Variants in CSGALNACT1 observed in about 807,000 individuals in gnomAD.
The protein encoded by CSGALNACT1 is beta4GalNAcT-1.
A neutral mutation model predicts 51.0 loss-of-function variants in CSGALNACT1; 52 were observed. That is an observed-to-expected ratio of 1.02 (90% CI 0.82 to 1.29). CSGALNACT1 has a LOEUF of 1.29. Ranked by LOEUF, CSGALNACT1 falls within the 50% of genes most tolerant of loss-of-function variation. The pLI, the probability that CSGALNACT1 is intolerant of heterozygous loss-of-function variation, is 0.00. For synonymous variants in CSGALNACT1, 341 were observed against 254.4 expected (o/e 1.34, Z -3.24); for missense variants, 935 against 679.2 (o/e 1.38, Z -4.19).
intron 5 of CSGALNACT1, among the ~76,000 whole-genome samples, chr8:19,450,177 TGAGGAA>T (rs1221623743): frequency 1.2e-4 from 2 of 16,136 alleles, no homozygotes; most frequent in Admixed American, 1.6e-3. Context: ...AGGGGGAGAG[TGAGGAA>T]GAGGGAGAGG....
At chr8:19,445,278 G>T (rs894520913) in intron 5 of CSGALNACT1, among the ~76,000 whole-genome samples, 4 of 152,214 alleles carry the variant, frequency 2.6e-5, no homozygotes, top group African/African-American at 9.7e-5. Flanking sequence ...AGGGCCAAGT[G>T]CCAGAAAAAT....
At chr8:19,659,815 C>T (rs2058610353) in intron 1 of CSGALNACT1, among the ~76,000 whole-genome samples, 1 of 152,184 alleles carries the variant, frequency 6.6e-6, no homozygotes, top group African/African-American at 2.4e-5. Context: ...AAGCACATAA[C>T]CCTCCAGCAG....
chr8:19,414,866 T>C (rs1357008213), intron 8 of CSGALNACT1, among the ~76,000 whole-genome samples: 1 of 152,180 alleles, frequency 6.6e-6, no homozygotes, highest in Non-Finnish European at 1.5e-5. Flanking sequence ...AATATATAGG[T>C]ACCATCTCTT....
At chr8:19,588,399 ATTAT>A (rs2047112150) in intron 3 of CSGALNACT1, among the ~76,000 whole-genome samples, 1 of 152,198 alleles carries the variant, frequency 6.6e-6, no homozygotes, top group Admixed American at 6.5e-5. Flanking sequence ...TCTGTAGAGT[ATTAT>A]TTGATTCCAA....
In CSGALNACT1 at chr8:19,666,809, A is replaced by AAGAAAGAAAGAAAGAG. The variant is rs1564383214; in HGVS notation, c.-544+15663_-544+15664insCTCTTTCTTTCTTTCT. On this transcript the variant is annotated intron_variant, in intron 1 of 9. Coordinates refer to the CSGALNACT1 transcript ENST00000332246. ...AAAGAAAGAAAGAAAGAAAGAAAGA[A>AAGAAAGAAAGAAAGAG]AGAGAGAGAGAGAGAGAGAGAGAGA... 1.7e-3 allele frequency among the ~76,000 whole-genome samples: 43 copies of AAGAAAGAAAGAAAGAG among 25,102 alleles called. 2 individuals carry two copies. Among genetic ancestry groups the AAGAAAGAAAGAAAGAG allele is most frequent in the East Asian group, 0.012 (13 of 1,060 alleles). 16.5% of individuals were successfully genotyped at this position (25,102 alleles called of 152,430 possible). A position where few individuals can be genotyped will look rare whatever the true frequency, so the allele number is the denominator to read the frequency against.
At chr8:19,641,849 A>G (rs1165527353) in intron 1 of CSGALNACT1, 1 of 152,002 alleles carries the variant, frequency 6.6e-6, no homozygotes, top group Non-Finnish European at 1.5e-5. Flanking sequence ...GTCCTCAGCA[A>G]TTTTTTTCTG....
At chr8:19,522,345 C>G (rs1176054227) in intron 3 of CSGALNACT1, among the ~76,000 whole-genome samples, 3 of 152,120 alleles carry the variant, frequency 2.0e-5, no homozygotes, top group Non-Finnish European at 4.4e-5. Flanking sequence ...TCTCTTGCCT[C>G]TAAATTTGCA....
chr8:19,504,410 A>G (rs1186549772), intron 4 of CSGALNACT1, among the ~76,000 whole-genome samples: 2 of 152,236 alleles, frequency 1.3e-5, no homozygotes, highest in African/African-American at 4.8e-5. Flanking sequence ...ATGGGGAAAG[A>G]ACTAGATGTC....
chr8:19,678,028 G>C (rs1169839497), intron 1 of CSGALNACT1, among the ~76,000 whole-genome samples: 1 of 151,964 alleles, frequency 6.6e-6, no homozygotes, highest in African/African-American at 2.4e-5. Flanking sequence ...ACATGCTTGA[G>C]CCCAGGAGGT....
chr8:19,737,520 C>T (rs1055874904), intron 1 of CSGALNACT1, among the ~76,000 whole-genome samples: 11 of 150,678 alleles, frequency 7.3e-5, no homozygotes, highest in Non-Finnish European at 1.5e-4. Context: ...TACACACATA[C>T]GGAAAAATTT....
intron 1 of CSGALNACT1, among the ~76,000 whole-genome samples, chr8:19,615,986 T>C (rs2154155767): frequency 6.6e-6 from 1 of 152,334 alleles, no homozygotes; most frequent in Middle Eastern, 3.4e-3. Flanking sequence ...GGCATATCCA[T>C]ATCATCAACT....
intron 1 of CSGALNACT1, among the ~76,000 whole-genome samples, chr8:19,612,330 G>C (rs1324442176): frequency 6.8e-6 from 1 of 147,870 alleles, no homozygotes; most frequent in African/African-American, 2.6e-5. Context: ...ATGGCAGGAT[G>C]AATCCCTGTC....
chr8:19,608,284 C>T (rs2051688464), intron 1 of CSGALNACT1, among the ~76,000 whole-genome samples: 1 of 152,174 alleles, frequency 6.6e-6, no homozygotes, highest in Non-Finnish European at 1.5e-5. Context: ...ATTATACATT[C>T]CCACACCTTA....
At chr8:19,455,251 C>T (rs1462841456) in intron 5 of CSGALNACT1, among the ~76,000 whole-genome samples, 1 of 152,156 alleles carries the variant, frequency 6.6e-6, no homozygotes, top group African/African-American at 2.4e-5. Context: ...TAATCTTTCA[C>T]TGAATCTTTA....
At chr8:19,559,959 C>A (rs979800321) in intron 3 of CSGALNACT1, among the ~76,000 whole-genome samples, 5 of 152,116 alleles carry the variant, frequency 3.3e-5, no homozygotes, top group Non-Finnish European at 7.4e-5. Context: ...TCTTGAAGTA[C>A]CAGGCTGTTC....
chr8:19,473,162 T>A (rs569302380), intron 4 of CSGALNACT1, among the ~76,000 whole-genome samples: 1 of 152,286 alleles, frequency 6.6e-6, no homozygotes, highest in South Asian at 2.1e-4. Flanking sequence ...TGTAAAGATT[T>A]TTGATATTCT....
intron 6 of CSGALNACT1, among the ~76,000 whole-genome samples, chr8:19,425,514 T>A (rs963196684): frequency 1.3e-5 from 2 of 152,196 alleles, no homozygotes; most frequent in Admixed American, 6.5e-5. Flanking sequence ...ATCGATTTTT[T>A]CCTCTGTTCC....
At chr8:19,663,283 G>A (rs1284507771) in intron 1 of CSGALNACT1, among the ~76,000 whole-genome samples, 1 of 152,006 alleles carries the variant, frequency 6.6e-6, no homozygotes, top group Non-Finnish European at 1.5e-5. Context: ...TGTACCTGAG[G>A]TTTTTTTCTC....
At chr8:19,689,590 TGAGA>T (rs1392134755) in intron 1 of CSGALNACT1, among the ~76,000 whole-genome samples, 1 of 152,212 alleles carries the variant, frequency 6.6e-6, no homozygotes, top group African/African-American at 2.4e-5. Flanking sequence ...AAAAATTCTA[TGAGA>T]AAGATGCTGA....
Sources: gnomAD v4.1 joint callset for allele counts (sites outside exome capture counted in the v4.1 genomes callset) on GRCh38, gnomAD v4.1.1 for gene constraint, MANE v1.5 for transcripts, NCBI Gene and HGNC (gene_info 2026-07-23, HGNC 2026-07-21) for gene names.